The following COL19A1 variants were observed in gnomAD, a reference collection of about 807,000 sequenced individuals.
The protein encoded by COL19A1 is collagen type XIX alpha 1 chain, also known as collagen alpha-1(XIX) chain.
Under a neutral mutation model 190.2 loss-of-function variants are expected in COL19A1, and 159 were observed. That is an observed-to-expected ratio of 0.84 (90% confidence interval 0.73 to 0.95). The LOEUF is 0.95. COL19A1 is among the 40% of genes least tolerant of loss of function. The probability of loss-of-function intolerance (pLI) is 0.00; values close to 1 mark genes in which losing one functional copy is unlikely to be tolerated. For missense variants in COL19A1, 1,418 were observed against 1,431.9 expected, an observed-to-expected ratio of 0.99 and a Z score of 0.16; for synonymous variants, 509 against 458.9, an observed-to-expected ratio of 1.11 and a Z score of -1.39.
chr6:69,903,394 A>G (rs1770313717), intron 4 of COL19A1, among the ~76,000 whole-genome samples: 1 of 152,084 alleles, frequency 6.6e-6, no homozygotes, highest in South Asian at 2.1e-4. Context: ...TACTCAGCAT[A>G]CTTCACTGCT....
Position 69,945,642 on chromosome 6 carries a change from T to C in COL19A1, c.936+7542T>C, listed in dbSNP as rs547972099. Among the ~76,000 whole-genome samples the C allele has an allele frequency of 3.3e-5, 5 of 152,130 alleles. No individual in the cohort carries two copies. The East Asian group carries it at 9.6e-4, about 29-fold the overall frequency. ...TTTCTTTATCCTTTCTAATCCCATATTGAATATATTGAAGTAATTGACAAG... is the reference window on the plus strand; with the variant it reads ...TTTCTTTATCCTTTCTAATCCCATACTGAATATATTGAAGTAATTGACAAG... On this transcript the variant is annotated intron_variant, in intron 9 of 50. Coordinates refer to ENST00000620364, the MANE Select transcript of COL19A1 (RefSeq NM_001858.6).
At chr6:70,090,930 G>C (rs1782885800) in intron 15 of COL19A1, among the ~76,000 whole-genome samples, 1 of 152,150 alleles carries the variant, frequency 6.6e-6, no homozygotes, top group South Asian at 2.1e-4. Context: ...CTACTGGACA[G>C]CTTTCCCTGG....
intron 11 of COL19A1, among the ~76,000 whole-genome samples, chr6:69,973,676 A>G (rs146384603): frequency 9.8e-4 from 149 of 152,336 alleles, no homozygotes; most frequent in African/African-American, 3.4e-3. Context: ...GCTTAATACA[A>G]TCATCAAATA....
chr6:70,108,634 A>G (rs1784108708), intron 16 of COL19A1, among the ~76,000 whole-genome samples: 1 of 152,126 alleles, frequency 6.6e-6, no homozygotes, highest in African/African-American at 2.4e-5. Flanking sequence ...ATCAGCAGTC[A>G]TTTTCAATGT....
rs1447562105 is a variant in COL19A1, at chr6:69,962,806, A to G, written c.982-20A>G. 6.3e-7 allele frequency: 1 copy of G among 1,578,914 alleles called. No individual in the cohort carries two copies. Among genetic ancestry groups the G allele is most frequent in the Non-Finnish European group, 8.7e-7 (1 of 1,155,990 alleles). On this transcript the variant is annotated intron_variant, in intron 10 of 50. Transcript: ENST00000620364. The stretch of plus-strand genomic sequence containing the variant: ...AAGTATCATTTTTATTACTATACAC[A>G]TCATATTCCTCTTCTACAGGGAGAG...
rs1778834818 is a variant in COL19A1 at position 70,028,248 on chromosome 6, AAAG to A, written c.1080+4572_1080+4574del. ...GCTTAAATAGAACCCTCTTTATAGG[AAAG>A]AAGGAGATGGGGAAATGTAGGCAAT... On this transcript the variant is annotated intron_variant, in intron 12 of 50. Transcript: ENST00000620364. Among the ~76,000 whole-genome samples, 3 of 152,266 alleles carry A rather than the reference AAAG, an allele frequency of 2.0e-5. No individual in the cohort carries two copies. The South Asian group carries it at 6.2e-4, about 32-fold the overall frequency.
At position 70,180,303 on chromosome 6, in the gene COL19A1, C is replaced by G. The variant is rs914227839; in HGVS notation, c.2668-9C>G. 6.2e-7 allele frequency: 1 copy of G among 1,614,128 alleles called. No individual in the cohort carries two copies. Among genetic ancestry groups the G allele is most frequent in the Non-Finnish European group, 8.5e-7 (1 of 1,179,984 alleles). On this transcript the variant is annotated splice_polypyrimidine_tract_variant and intron_variant, in intron 42 of 50. Transcript: ENST00000620364. ...GCTCCTAACATTTCTCTTCAATTTG[C>G]CTTGCCAGGGAAAACCTGGTGCCCC...
chr6:70,031,590 C>A (rs755890623), intron 12 of COL19A1, among the ~76,000 whole-genome samples: 3 of 152,170 alleles, frequency 2.0e-5, no homozygotes, highest in Non-Finnish European at 4.4e-5. Context: ...GCTTACTTCA[C>A]TTAATATAAT....
intron 9 of COL19A1, among the ~76,000 whole-genome samples, chr6:69,940,114 A>G (rs1489825981): frequency 6.6e-6 from 1 of 152,086 alleles, no homozygotes; most frequent in Non-Finnish European, 1.5e-5. Context: ...TCCTATTTGA[A>G]TAATTATTTT....
chr6:70,048,226 G>T (rs1295492068), intron 14 of COL19A1, among the ~76,000 whole-genome samples: 1 of 152,002 alleles, frequency 6.6e-6, no homozygotes, highest in East Asian at 1.9e-4. Context: ...AATCTCAGCT[G>T]GTCATTTATA....
intron 41 of COL19A1, among the ~76,000 whole-genome samples, chr6:70,172,960 C>T (rs906169012): frequency 6.6e-6 from 1 of 152,052 alleles, no homozygotes; most frequent in Non-Finnish European, 1.5e-5. Flanking sequence ...AGTGAGAATG[C>T]CTGGATTTGG....
rs1440360974 is a variant in COL19A1, at chr6:70,010,598, C to T, written c.1027-13029C>T. 1.1e-4 allele frequency among the ~76,000 whole-genome samples: 15 copies of T among 140,930 alleles called. 2 individuals are homozygous for T. In the South Asian group the frequency reaches 2.9e-3, roughly 28 times the overall value. 92.5% of individuals were successfully genotyped at this position (140,930 alleles called of 152,430 possible). On this transcript the variant is annotated intron_variant, in intron 11 of 50. Coordinates refer to ENST00000620364, the MANE Select transcript of COL19A1 (RefSeq NM_001858.6). The stretch of plus-strand genomic sequence containing the variant: ...CTTTCCGAGTCAAAGAAAGGGGTGA[C>T]GGACGCACCTGGAAAATAGGGTCAC...
intron 6 of COL19A1, among the ~76,000 whole-genome samples, chr6:69,931,926 G>T (rs978167493): frequency 6.6e-6 from 1 of 152,018 alleles, no homozygotes; most frequent in Admixed American, 6.6e-5. Context: ...ATTATTATAA[G>T]ATTAATTATT....
intron 15 of COL19A1, among the ~76,000 whole-genome samples, chr6:70,099,425 A>G (rs1321919434): frequency 6.6e-6 from 1 of 152,200 alleles, no homozygotes; most frequent in Non-Finnish European, 1.5e-5. Flanking sequence ...TATTTAAAAT[A>G]GTGCATAAAA....
chr6:70,150,058 A>T lies in COL19A1; in HGVS notation c.2037+13A>T, dbSNP rs747532370. ...CCCAGGTGACCCGGTATGTAGACAA[A>T]CCTTGTCTGATTTATGTATCTTAAA... On this transcript the variant is annotated intron_variant, in intron 30 of 50. Coordinates refer to ENST00000620364, the MANE Select transcript of COL19A1 (RefSeq NM_001858.6). 3.7e-6 allele frequency: 6 copies of T among 1,613,168 alleles called. No individual in the cohort carries two copies. The highest frequency in any genetic ancestry group is 2.5e-6 in the Non-Finnish European group (3 of 1,179,604).
Position 70,184,683 on chromosome 6 carries a change from A to T in COL19A1, c.2776-20A>T, listed in dbSNP as rs1341041940. 1 of 1,571,554 alleles carries T rather than the reference A, an allele frequency of 6.4e-7. No individual in the cohort carries two copies. The highest frequency in any genetic ancestry group is 1.1e-5 in the South Asian group (1 of 87,892). Reference sequence around the variant, plus strand: ...ATGTTAATGCAGAGTTAGAAATATTAATCCTTTTTTTCTTTATAGGGAATA... The same window carrying T: ...ATGTTAATGCAGAGTTAGAAATATTTATCCTTTTTTTCTTTATAGGGAATA... On this transcript the variant is annotated intron_variant, in intron 44 of 50. Coordinates refer to ENST00000620364, the MANE Select transcript of COL19A1 (RefSeq NM_001858.6).
At chr6:70,059,818 C>A in intron 14 of COL19A1, 1 of 510,390 alleles carries the variant, frequency 2.0e-6, no homozygotes, top group Admixed American at 2.2e-5. Flanking sequence ...TGTATGTGTG[C>A]AAAATTTTAG....
chr6:70,100,410 G>A (rs1453438833), intron 15 of COL19A1, among the ~76,000 whole-genome samples: 3 of 151,986 alleles, frequency 2.0e-5, no homozygotes, highest in Non-Finnish European at 2.9e-5. Context: ...TTTAAGTATA[G>A]AGAATATTAA....
intron 20 of COL19A1, 86 bp downstream of exon 20, chr6:70,141,075 C>A: frequency 8.2e-7 from 1 of 1,223,446 alleles, no homozygotes; most frequent in South Asian, 1.4e-5. Flanking sequence ...ACTTTGGAGT[C>A]TAATAGATTT....
Sources: allele counts gnomAD v4.1 joint callset (sites outside exome capture counted in the v4.1 genomes callset), GRCh38; gene constraint gnomAD v4.1.1; transcripts MANE v1.5; gene names NCBI Gene and HGNC (gene_info 2026-07-23, HGNC 2026-07-21).